VPS39: variants seen among roughly 807,000 people sequenced by gnomAD.
The protein encoded by VPS39 is VPS39 subunit of HOPS complex, also known as vam6/Vps39-like protein.
In VPS39, 70 loss-of-function variants were observed where a neutral mutation model predicts 121.0. That is an observed-to-expected ratio of 0.58 (90% confidence interval 0.48 to 0.71). The LOEUF (loss-of-function observed/expected upper bound fraction) is 0.71, where lower values mean the gene tolerates loss of function less well. VPS39 is among the 30% of genes least tolerant of loss of function. The pLI is 0.00. For missense variants in VPS39, 818 were observed against 1,051.5 expected (o/e 0.78, Z 3.07); for synonymous variants, 378 against 398.1 (o/e 0.95, Z 0.60).
chr15:42,189,320 T>C (rs938151441), intron 4 of VPS39, 112 bp from the exon 5 acceptor site: 2 of 765,558 alleles, frequency 2.6e-6, no homozygotes, highest in African/African-American at 1.7e-5. Flanking sequence ...AAATGGCAGA[T>C]GTTGGTTGAA....
At chr15:42,182,871 G>A (rs2049612192) in intron 8 of VPS39, among the ~76,000 whole-genome samples, 4 of 152,152 alleles carry the variant, frequency 2.6e-5, no homozygotes, top group African/African-American at 4.8e-5. Context: ...TCAGAAACAC[G>A]CTTGACTTTT....
rs143102193 is a variant in VPS39, at chr15:42,160,891, C to T, written c.2553-62G>A. The T allele has an allele frequency of 5.9e-5, 91 of 1,548,276 alleles. No individual in the cohort carries two copies. The African/African-American group carries it at 9.4e-4, about 16-fold the overall frequency. On this transcript the variant is annotated intron_variant, in intron 24 of 24. Coordinates refer to ENST00000318006, the MANE Select transcript of VPS39 (RefSeq NM_015289.5). The stretch of plus-strand genomic sequence containing the variant: ...TTCTAAGTGACCACTTCTCTGGCAG[C>T]GGCACCTCCTACAGAAGAGGCACAT...
intron 7 of VPS39, among the ~76,000 whole-genome samples, chr15:42,186,832 TA>T (rs1422550362): frequency 6.6e-6 from 1 of 152,174 alleles, no homozygotes; most frequent in Non-Finnish European, 1.5e-5. Flanking sequence ...TTTTGAAATT[TA>T]AAAAAATAGT....
In VPS39 at chr15:42,159,873, C is replaced by T. The variant is rs1237678130; in HGVS notation, c.*881G>A. Reference sequence around the variant, plus strand: ...TGGTGAGCGAAGACGGAGCAGGCACCTCTGTGGGAACATGTATCTAGGGAT... The same window carrying T: ...TGGTGAGCGAAGACGGAGCAGGCACTTCTGTGGGAACATGTATCTAGGGAT... On this transcript the variant is annotated 3_prime_UTR_variant, in exon 25 of 25. Coordinates refer to ENST00000318006, the MANE Select transcript of VPS39 (RefSeq NM_015289.5). The T allele has an allele frequency of 6.6e-6, 1 of 152,330 alleles. No homozygotes were observed. Among genetic ancestry groups the T allele is most frequent in the Admixed American group, 6.5e-5 (1 of 15,286 alleles). The allele number at this position is 152,330 out of a possible 1,614,324, so 9.4% of individuals were successfully genotyped here.
chr15:42,183,104 TTG>T (rs1365516538), intron 8 of VPS39, among the ~76,000 whole-genome samples: 18 of 147,908 alleles, frequency 1.2e-4, no homozygotes, highest in South Asian at 2.3e-4. Flanking sequence ...GATGTGTTTT[TTG>T]TTTTTTTTTT....
At chr15:42,180,949 A>G (rs1194469821) in intron 8 of VPS39, among the ~76,000 whole-genome samples, 1 of 152,178 alleles carries the variant, frequency 6.6e-6, no homozygotes, top group Non-Finnish European at 1.5e-5. Flanking sequence ...CGCTATGGAA[A>G]ACAGTATGGT....
rs116250528 is a variant in VPS39, at chr15:42,187,648, C to T, written c.441+110G>A. The T allele has an allele frequency of 6.7e-4, 649 of 966,716 alleles. 3 individuals are homozygous for T. The African/African-American group carries it at 8.7e-3, about 13-fold the overall frequency. The allele number at this position is 966,716 out of a possible 1,614,324, so 59.9% of individuals were successfully genotyped here. A position where few individuals can be genotyped will look rare whatever the true frequency, so the allele number is the denominator to read the frequency against. The stretch of plus-strand genomic sequence containing the variant: ...TCAACAAGCTCTCATGCACTTCATA[C>T]CAGAGTATTCATTTGCGTAGAATGA... On this transcript the variant is annotated intron_variant, in intron 6 of 24. Coordinates refer to ENST00000318006, the MANE Select transcript of VPS39 (RefSeq NM_015289.5).
chr15:42,166,323 T>C, intron 15 of VPS39, 91 bp from the exon 16 acceptor site: 1 of 1,392,826 alleles, frequency 7.2e-7, no homozygotes, highest in Non-Finnish European at 1.0e-6. Context: ...CAGAATTCAT[T>C]TTCCTGAAAA....
intron 4 of VPS39, among the ~76,000 whole-genome samples, chr15:42,190,350 T>G (rs2049801099): frequency 6.6e-6 from 1 of 152,204 alleles, no homozygotes; most frequent in Admixed American, 6.5e-5. Context: ...TTACCTCAGA[T>G]GTTTATCTGT....
chr15:42,163,991 C>T (rs983396255), intron 19 of VPS39, among the ~76,000 whole-genome samples: 1 of 152,190 alleles, frequency 6.6e-6, no homozygotes, highest in Non-Finnish European at 1.5e-5. Context: ...TACTTAACAA[C>T]CACCTACAAC....
chr15:42,175,151 C>T (rs1381168490), intron 10 of VPS39, among the ~76,000 whole-genome samples: 1 of 152,028 alleles, frequency 6.6e-6, no homozygotes, highest in African/African-American at 2.4e-5. Flanking sequence ...CGGTAGCTCA[C>T]GCCTGTAATC....
At chr15:42,189,307 A>T (rs915381630) in intron 4 of VPS39, 99 bp from the exon 5 acceptor site, 1 of 835,730 alleles carries the variant, frequency 1.2e-6, no homozygotes, top group African/African-American at 1.7e-5. Context: ...ATCTAGAAGA[A>T]GCAAATGGCA....
chr15:42,184,608 C>A lies in VPS39; in HGVS notation c.627G>T (p.Val209=). 6.2e-7 allele frequency: 1 copy of A among 1,614,172 alleles called. No homozygotes were observed. Among genetic ancestry groups the A allele is most frequent in the South Asian group, 1.1e-5 (1 of 91,082 alleles). The part of the protein sequence containing the change: ...VAPLADGKVA[V]GQDDLTVVLN... ...GTACCACGGTGAGATCATCCTGGCC[C>A]ACAGCCACTTTTCCATCTGCCAGAG... Residue 209 remains valine (V), a synonymous_variant, in exon 8 of 25, where the codon GTG becomes GTT. Transcript: ENST00000318006.
intron 16 of VPS39, 98 bp downstream of exon 16, chr15:42,166,060 CA>C: frequency 1.6e-6 from 2 of 1,234,800 alleles, no homozygotes; most frequent in Admixed American, 3.5e-5. Context: ...CCAATGAAGA[CA>C]GATGCATGAA....
intron 10 of VPS39, 66 bp from the exon 11 acceptor site, chr15:42,173,918 T>C: frequency 6.3e-7 from 1 of 1,581,058 alleles, no homozygotes; most frequent in East Asian, 2.3e-5. Context: ...ATGTTCTTGA[T>C]GTTAGAGAAG....
At position 42,163,066 on chromosome 15, in the gene VPS39, G is replaced by A. The variant is rs958832325; in HGVS notation, c.2175+284C>T. 1.2e-4 allele frequency among the ~76,000 whole-genome samples: 19 copies of A among 152,308 alleles called. 2 individuals carry two copies. In the South Asian group the frequency reaches 2.3e-3, roughly 18 times the overall value. ...AGATATAGTACATCAGAACCATGACGGGTTCCCGCTCGACAGGCAGACCTC... is the reference window on the plus strand; with the variant it reads ...AGATATAGTACATCAGAACCATGACAGGTTCCCGCTCGACAGGCAGACCTC... On this transcript the variant is annotated intron_variant, in intron 21 of 24. Coordinates refer to ENST00000318006, the MANE Select transcript of VPS39 (RefSeq NM_015289.5).
intron 6 of VPS39, 106 bp from the exon 7 acceptor site, chr15:42,187,469 A>C: frequency 2.0e-6 from 2 of 989,456 alleles, no homozygotes; most frequent in Non-Finnish European, 3.0e-6. Context: ...CCTCACCCTC[A>C]TCGGGCACAA....
intron 1 of VPS39, among the ~76,000 whole-genome samples, chr15:42,202,818 T>TCA (rs1266422412): frequency 2.4e-4 from 37 of 152,202 alleles, no homozygotes; most frequent in Non-Finnish European, 3.5e-4. Context: ...TCAACTGGTC[T>TCA]CATTCACTCC....
intron 2 of VPS39, among the ~76,000 whole-genome samples, chr15:42,198,987 G>C (rs749184501): frequency 6.6e-6 from 1 of 152,074 alleles, no homozygotes; most frequent in Non-Finnish European, 1.5e-5. Context: ...TCTCTTTCCC[G>C]AGTGCACTAG....
Sources: gnomAD v4.1 joint callset for allele counts (sites outside exome capture counted in the v4.1 genomes callset) on GRCh38, gnomAD v4.1.1 for gene constraint, MANE v1.5 for transcripts, NCBI Gene and HGNC (gene_info 2026-07-23, HGNC 2026-07-21) for gene names.